CCDC33: variants seen among roughly 807,000 people sequenced by gnomAD.
The protein encoded by CCDC33 is coiled-coil domain containing 33, also known as coiled-coil domain-containing protein 33.
A neutral mutation model predicts 91.9 loss-of-function variants in CCDC33; 94 were observed. That is an observed-to-expected ratio of 1.02 (90% CI 0.87 to 1.21). The LOEUF is 1.21. Ranked by LOEUF, CCDC33 falls within the 50% of genes most tolerant of loss-of-function variation. The pLI, the probability that CCDC33 is intolerant of heterozygous loss-of-function variation, is 0.00. For missense variants in CCDC33, 940 were observed against 935.5 expected, an observed-to-expected ratio of 1.00 and a Z score of -0.06; for synonymous variants, 396 against 374.5, an observed-to-expected ratio of 1.06 and a Z score of -0.66.
chr15:74,259,923 G>T (rs1271319911), intron 2 of CCDC33, among the ~76,000 whole-genome samples: 1 of 152,252 alleles, frequency 6.6e-6, no homozygotes, highest in Non-Finnish European at 1.5e-5. Context: ...CCAGCTCTGG[G>T]GTTGACATCT....
intron 10 of CCDC33, among the ~76,000 whole-genome samples, chr15:74,282,559 G>T: frequency 6.6e-6 from 1 of 152,236 alleles, no homozygotes; most frequent in East Asian, 1.9e-4. Context: ...GGGCTGGTGT[G>T]ATAAGGTCAG....
intron 2 of CCDC33, among the ~76,000 whole-genome samples, chr15:74,229,326 C>G (rs1245049106): frequency 6.6e-6 from 1 of 152,134 alleles, no homozygotes; most frequent in African/African-American, 2.4e-5. Flanking sequence ...AACCCAGTCT[C>G]TACTAAAAAT....
intron 1 of CCDC33, chr15:74,209,128 C>A: frequency 7.6e-7 from 1 of 1,308,958 alleles, no homozygotes. Flanking sequence ...ATCAGAGGAA[C>A]CCACCCCACC....
Position 74,236,612 on chromosome 15 carries a change from A to C in CCDC33, c.-108A>C. 3 of 997,506 alleles carry C rather than the reference A, an allele frequency of 3.0e-6. No homozygotes were observed. The South Asian group carries it at 4.4e-5, about 15-fold the overall frequency. 61.8% of individuals were successfully genotyped at this position (997,506 alleles called of 1,614,324 possible). ...GTCTACTACCCATAAGGACTCCAAG[A>C]CGCCCAGGCCAGCTGTCTGGGCAGG... On this transcript the variant is annotated 5_prime_UTR_variant, in exon 1 of 19. Coordinates refer to ENST00000398814, the MANE Select transcript of CCDC33 (RefSeq NM_025055.5).
chr15:74,250,865 C>T (rs955409468), intron 2 of CCDC33, among the ~76,000 whole-genome samples: 3 of 152,182 alleles, frequency 2.0e-5, no homozygotes, highest in Non-Finnish European at 2.9e-5. Context: ...TCTCAAAGGG[C>T]TATAGAGATG....
At chr15:74,267,137 C>T (rs4887125) in intron 4 of CCDC33, among the ~76,000 whole-genome samples, 2 of 152,128 alleles carry the variant, frequency 1.3e-5, no homozygotes, top group Non-Finnish European at 2.9e-5. Context: ...GCTGCTTGCA[C>T]GCCCTGTGCT....
chr15:74,243,959 A>T (rs774285235), intron 1 of CCDC33, 26 bp from the exon 2 acceptor site: 3 of 1,531,142 alleles, frequency 2.0e-6, no homozygotes, highest in Non-Finnish European at 2.6e-6. Context: ...AAAAAAAAAA[A>T]CACTCAGCCC....
Position 74,336,118 on chromosome 15 carries a change from T to C in CCDC33, c.*65T>C. The C allele has an allele frequency of 6.3e-7, 1 of 1,585,068 alleles. No homozygotes were observed. Among genetic ancestry groups the C allele is most frequent in the Non-Finnish European group, 8.6e-7 (1 of 1,167,258 alleles). On this transcript the variant is annotated 3_prime_UTR_variant, in exon 19 of 19. Coordinates refer to ENST00000398814, the MANE Select transcript of CCDC33 (RefSeq NM_025055.5). The stretch of plus-strand genomic sequence containing the variant: ...TCATCACCGCCCCCTAAAAATGACG[T>C]TATTAAATGTTGTAGCTCTGTGAGC...
rs117080820 is a variant in CCDC33 at position 74,229,061 on chromosome 15, C to G, written c.675+10200C>G. Among the ~76,000 whole-genome samples the G allele has an allele frequency of 1.1e-3, 161 of 152,270 alleles. No individual in the cohort carries two copies. In the East Asian group the frequency reaches 0.026, roughly 24 times the overall value. On this transcript the variant is annotated intron_variant, in intron 2 of 2. Transcript: ENST00000635913. ...CAACCCTGAGGCCCTGTCCAGTGGG[C>G]GAGGTACCCAAGGCTGTCACCCCCA...
intron 11 of CCDC33, among the ~76,000 whole-genome samples, chr15:74,315,626 C>G (rs2142772069): frequency 6.6e-6 from 1 of 152,292 alleles, no homozygotes; most frequent in African/African-American, 2.4e-5. Flanking sequence ...AGAAAGGAAG[C>G]CAAGAAGAGT....
intron 2 of CCDC33, among the ~76,000 whole-genome samples, chr15:74,229,779 A>C (rs1313224934): frequency 1.3e-5 from 2 of 152,196 alleles, no homozygotes; most frequent in Non-Finnish European, 2.9e-5. Context: ...TCACTCATAC[A>C]TCAAGCACCC....
rs1642262886 is a variant in CCDC33, at chr15:74,218,677, G to A, written c.491G>A (p.Cys164Tyr). Residue 164 changes from cysteine to tyrosine, a missense_variant, in exon 2 of 3, where the codon TGT (cysteine) becomes TAT (tyrosine). Cys to Tyr is a radical substitution (Grantham distance 194). Transcript: ENST00000635913. The surrounding 1 kb of genome is among the most constrained non-coding windows in gnomAD (Gnocchi z 4.8). ...GATCACGAGGACCTGTACCGCTACT[G>A]TGGCAACCTGGCTCTGCTCCGGGCT... 1 of 1,289,850 alleles carries A rather than the reference G, an allele frequency of 7.8e-7. No individual in the cohort carries two copies. The highest frequency in any genetic ancestry group is 1.0e-6 in the Non-Finnish European group (1 of 988,888). The allele number at this position is 1,289,850 out of a possible 1,614,324, so 79.9% of individuals were successfully genotyped here.
Position 74,279,981 on chromosome 15 carries a change from C to A in CCDC33, c.778C>A (p.Pro260Thr), listed in dbSNP as rs1464724964. ...GCPQLSKPGG[P>T]PEQPLWNQSF... ...CCTCCAGCTGTCCAAGCCTGGGGGACCCCCAGAGCAGCCCCTGTGGAATCA... is the reference window on the plus strand; with the variant it reads ...CCTCCAGCTGTCCAAGCCTGGGGGAACCCCAGAGCAGCCCCTGTGGAATCA... The change falls in exon 8 of 19, where the codon CCC (proline) becomes ACC (threonine). Residue 260 changes from proline to threonine, a missense_variant. Coordinates refer to ENST00000398814, the MANE Select transcript of CCDC33 (RefSeq NM_025055.5). 2 of 1,613,896 alleles carry A rather than the reference C, an allele frequency of 1.2e-6. No homozygotes were observed. The highest frequency in any genetic ancestry group is 1.7e-6 in the Non-Finnish European group (2 of 1,179,930).
intron 11 of CCDC33, among the ~76,000 whole-genome samples, chr15:74,299,095 C>T (rs1332022112): frequency 6.6e-6 from 1 of 152,292 alleles, no homozygotes; most frequent in South Asian, 2.1e-4. Flanking sequence ...CATGCTAGGC[C>T]GGGATTCTGG....
intron 2 of CCDC33, among the ~76,000 whole-genome samples, chr15:74,249,371 C>A (rs895197803): frequency 3.9e-5 from 6 of 151,918 alleles, no homozygotes; most frequent in African/African-American, 1.5e-4. Flanking sequence ...GCCTGTAGTC[C>A]CAGCTACTCG....
rs944806050 is a variant in CCDC33 at position 74,265,284 on chromosome 15, C to T, written c.320-1394C>T. ...AGAGAAGCAGAGGGCAAGGGTCTCCCCAAGTGTTTCCCTCAGGCACACCCC... is the reference window on the plus strand; with the variant it reads ...AGAGAAGCAGAGGGCAAGGGTCTCCTCAAGTGTTTCCCTCAGGCACACCCC... On this transcript the variant is annotated intron_variant, in intron 3 of 18. Transcript: ENST00000398814. Among the ~76,000 whole-genome samples the T allele has an allele frequency of 3.3e-5, 5 of 152,294 alleles. No individual in the cohort carries two copies. In the South Asian group the frequency reaches 1.0e-3, roughly 32 times the overall value.
At chr15:74,234,297 A>G (rs1650896644), upstream of CCDC33, among the ~76,000 whole-genome samples, 1 of 152,168 alleles carries the variant, frequency 6.6e-6, no homozygotes, top group Admixed American at 6.5e-5. Context: ...TGTGAGATTA[A>G]TCATTCCCTG....
chr15:74,214,204 G>A (rs1256795443), upstream of CCDC33, among the ~76,000 whole-genome samples: 3 of 152,088 alleles, frequency 2.0e-5, no homozygotes, highest in African/African-American at 7.2e-5. Flanking sequence ...GCTAATTATA[G>A]GCCCTGGCTC....
In CCDC33 at chr15:74,244,149, G is replaced by C. The variant is rs910122456; in HGVS notation, c.185+1G>C. 6.2e-7 allele frequency: 1 copy of C among 1,606,914 alleles called. No homozygotes were observed. Among genetic ancestry groups the C allele is most frequent in the Non-Finnish European group, 8.5e-7 (1 of 1,175,434 alleles). On this transcript the variant is annotated splice_donor_variant, in intron 2 of 18. Transcript: ENST00000398814. LOFTEE classifies it high-confidence loss of function. This position sits in a 1 kb window ranked among gnomAD's most constrained non-coding sequence, Gnocchi z 4.2. ...CCGAGCCGTGGCCCTATGTGGTGGT[G>C]TAAGTAGCTGCGTGAGAGTGGGGGC...
Sources: allele counts gnomAD v4.1 joint callset (sites outside exome capture counted in the v4.1 genomes callset), GRCh38; gene constraint gnomAD v4.1.1; non-coding constraint Gnocchi (gnomAD v3.1); transcripts MANE v1.5; gene names NCBI Gene and HGNC (gene_info 2026-07-23, HGNC 2026-07-21).